IGFL2: variants seen among roughly 807,000 people sequenced by gnomAD.
IGFL2 encodes the protein IGF like family member 2, also known as insulin growth factor-like family member 2.
IGFL2 carries 7 observed loss-of-function variants against 13.9 expected under a neutral mutation model. That is an observed-to-expected ratio of 0.51 (90% confidence interval 0.29 to 0.95). The LOEUF is 0.95. Ranked by LOEUF, IGFL2 falls within the 40% of genes least tolerant of loss-of-function variation. The pLI, the probability that IGFL2 is intolerant of heterozygous loss-of-function variation, is 0.08. For synonymous variants in IGFL2, 55 were observed against 55.8 expected (o/e 0.99, Z 0.07); for missense variants, 138 against 147.8 (o/e 0.93, Z 0.34).
At chr19:46,114,041 C>T in the IGFL2 span, among the ~76,000 whole-genome samples, 18 of 152,198 alleles carry the variant, frequency 1.2e-4, no homozygotes, top group African/African-American at 4.3e-4. Flanking sequence ...CCCAGGAAGC[C>T]ACTTGCTGTA....
At chr19:46,193,144 A>T in the IGFL2 span, among the ~76,000 whole-genome samples, 7 of 152,180 alleles carry the variant, frequency 4.6e-5, no homozygotes, top group Non-Finnish European at 1.0e-4. Context: ...GTGAGCCAAG[A>T]TCGTGTCACT....
chr19:46,170,887 A>C, the IGFL2 span, among the ~76,000 whole-genome samples: 8 of 152,290 alleles, frequency 5.3e-5, no homozygotes, highest in East Asian at 9.6e-4. Flanking sequence ...GCACGGCGGG[A>C]CATGAAACTT....
chr19:46,215,338 A>T, the IGFL2 span, among the ~76,000 whole-genome samples: 1 of 152,196 alleles, frequency 6.6e-6, no homozygotes, highest in South Asian at 2.1e-4. Flanking sequence ...GTAATTTTTG[A>T]TCTAATAAAT....
chr19:46,118,065 G>A, the IGFL2 span, among the ~76,000 whole-genome samples: 1 of 152,076 alleles, frequency 6.6e-6, no homozygotes, highest in Non-Finnish European at 1.5e-5. Context: ...ACAGCCCTAG[G>A]GTGGGCATCC....
At chr19:46,176,121 G>A in the IGFL2 span, among the ~76,000 whole-genome samples, 2 of 143,174 alleles carry the variant, frequency 1.4e-5, no homozygotes, top group African/African-American at 5.3e-5. Context: ...CTAAAGTCCT[G>A]GGATTACAGG....
chr19:46,197,206 C>A, the IGFL2 span: 1 of 211,372 alleles, frequency 4.7e-6, no homozygotes, highest in South Asian at 7.7e-5. Context: ...GTCCCTCAGT[C>A]CCCCAGCGTC....
chr19:46,161,461 G>A (rs1232300699), downstream of IGFL2, among the ~76,000 whole-genome samples: 4 of 152,000 alleles, frequency 2.6e-5, no homozygotes, highest in Non-Finnish European at 5.9e-5. Context: ...GGGAGTCTAA[G>A]TCTCTTTGAA....
chr19:46,080,126 A>G, the IGFL2 span, among the ~76,000 whole-genome samples: 1 of 152,236 alleles, frequency 6.6e-6, no homozygotes, highest in Admixed American at 6.5e-5. Context: ...ACTTTTACAT[A>G]CTTAAAGCCA....
the IGFL2 span, among the ~76,000 whole-genome samples, chr19:46,086,531 C>G: frequency 2.6e-5 from 4 of 152,162 alleles, no homozygotes; most frequent in South Asian, 8.3e-4. Flanking sequence ...ACCATGTTGG[C>G]CAGGCTCATC....
At chr19:46,168,934 G>GTGTA in the IGFL2 span, among the ~76,000 whole-genome samples, 91 of 151,672 alleles carry the variant, frequency 6.0e-4, 2 homozygotes, top group Middle Eastern at 0.01. Flanking sequence ...GTGTGTGTGT[G>GTGTA]TGTGTATGTG....
At chr19:46,103,162 T>G in the IGFL2 span, among the ~76,000 whole-genome samples, 1 of 152,212 alleles carries the variant, frequency 6.6e-6, no homozygotes, top group Non-Finnish European at 1.5e-5. Context: ...TTGGTGAGTT[T>G]TTGGGCTCAA....
At chr19:46,162,947 G>A (rs991308100), downstream of IGFL2, among the ~76,000 whole-genome samples, 1 of 152,196 alleles carries the variant, frequency 6.6e-6, no homozygotes, top group Non-Finnish European at 1.5e-5. Context: ...TAACCACAGT[G>A]TAGATTAAGT....
the IGFL2 span, among the ~76,000 whole-genome samples, chr19:46,098,639 T>C: frequency 2.6e-4 from 39 of 152,004 alleles, no homozygotes; most frequent in African/African-American, 9.2e-4. Context: ...CCACCATGCC[T>C]GGCTAATTTT....
At chr19:46,183,960 G>A in the IGFL2 span, among the ~76,000 whole-genome samples, 1 of 152,038 alleles carries the variant, frequency 6.6e-6, no homozygotes, top group Non-Finnish European at 1.5e-5. Context: ...TCCCCTTCTA[G>A]TTGCATCGGT....
chr19:46,170,512 A>T, the IGFL2 span, among the ~76,000 whole-genome samples: 1 of 152,214 alleles, frequency 6.6e-6, no homozygotes, highest in African/African-American at 2.4e-5. Flanking sequence ...GAACAGGATA[A>T]CAGTGATTTT....
the IGFL2 span, among the ~76,000 whole-genome samples, chr19:46,093,687 C>T: frequency 2.6e-5 from 4 of 152,142 alleles, no homozygotes; most frequent in African/African-American, 9.7e-5. Flanking sequence ...TTAGCAAGTT[C>T]ACAGACTACC....
chr19:46,166,679 G>A, the IGFL2 span, among the ~76,000 whole-genome samples: 4 of 152,252 alleles, frequency 2.6e-5, no homozygotes, highest in East Asian at 1.9e-4. Flanking sequence ...GGTACGCCCC[G>A]GAGGGGTGGC....
At chr19:46,135,183 A>G in the IGFL2 span, among the ~76,000 whole-genome samples, 1 of 152,210 alleles carries the variant, frequency 6.6e-6, no homozygotes, top group Non-Finnish European at 1.5e-5. Context: ...CAATTATTGA[A>G]AGCAAGAAAT....
the IGFL2 span, chr19:46,198,046 C>A: frequency 3.1e-5 from 1 of 32,732 alleles, no homozygotes; most frequent in Non-Finnish European, 7.1e-5. Context: ...TTCCTTCCTG[C>A]CTTCCTTCCT....
Sources: allele counts gnomAD v4.1 joint callset (sites outside exome capture counted in the v4.1 genomes callset), GRCh38; gene constraint gnomAD v4.1.1; transcripts MANE v1.5; gene names NCBI Gene and HGNC (gene_info 2026-07-23, HGNC 2026-07-21).